The following SCN7A variants were observed in gnomAD, a reference collection of about 807,000 sequenced individuals.
SCN7A encodes sodium voltage-gated channel alpha subunit 7, also known as sodium channel protein type 7 subunit alpha.
In SCN7A, 138 loss-of-function variants were observed where a neutral mutation model predicts 155.2. That is an observed-to-expected ratio of 0.89 (90% confidence interval 0.77 to 1.02). The LOEUF (loss-of-function observed/expected upper bound fraction) is 1.02. Ranked by LOEUF, SCN7A falls within the 50% of genes least tolerant of loss-of-function variation. The probability of loss-of-function intolerance (pLI) is 0.00; values close to 1 mark genes in which losing one functional copy is unlikely to be tolerated. For synonymous variants in SCN7A, 693 were observed against 649.0 expected (o/e 1.07, Z -1.03); for missense variants, 2,058 against 1,986.6 (o/e 1.04, Z -0.68).
In SCN7A at chr2:166,470,706, C is replaced by A; in HGVS notation, c.573G>T (p.Glu191Asp). 1 of 1,595,658 alleles carries A rather than the reference C, an allele frequency of 6.3e-7. No homozygotes were observed. Among genetic ancestry groups the A allele is most frequent in the Non-Finnish European group, 8.5e-7 (1 of 1,170,184 alleles). The change falls in exon 7 of 26, where the codon GAG becomes GAT. Residue 191 changes from glutamate (E) to aspartate (D), a missense_variant and splice_region_variant. Glu to Asp is a conservative substitution (Grantham distance 45). Coordinates refer to ENST00000643258, the MANE Select transcript of SCN7A (RefSeq NM_002976.4). ...NWLDFSVTVFEVIIRYSPLDF... is the reference protein window; with the variant it reads ...NWLDFSVTVFDVIIRYSPLDF... The stretch of plus-strand genomic sequence containing the variant: ...CCAGAGGTGAGTATCTTATAATAAC[C>A]CTGTGGAATTAAATTAGAGTTACTT...
Position 166,432,397 on chromosome 2 carries a change from A to G in SCN7A, c.2513T>C (p.Ile838Thr). 6.2e-7 allele frequency: 1 copy of G among 1,613,532 alleles called. No homozygotes were observed. Among genetic ancestry groups the G allele is most frequent in the Non-Finnish European group, 8.5e-7 (1 of 1,179,594 alleles). ...PSPSVSETVP[I>T]ASGESDIENL... Reference sequence around the variant, plus strand: ...TTCTATATCAGATTCTCCTGAAGCAATTGGTACAGTTTCTGAGACACTAGG... The same window carrying G: ...TTCTATATCAGATTCTCCTGAAGCAGTTGGTACAGTTTCTGAGACACTAGG... Residue 838 changes from isoleucine to threonine, a missense_variant, in exon 16 of 26, where the codon ATT becomes ACT. By Grantham distance (89) the Ile-to-Thr change is moderately conservative (BLOSUM62 -1). Coordinates refer to ENST00000643258, the MANE Select transcript of SCN7A (RefSeq NM_002976.4).
intron 3 of SCN7A, among the ~76,000 whole-genome samples, chr2:166,475,130 A>G (rs369920346): frequency 6.7e-4 from 87 of 129,650 alleles, no homozygotes; most frequent in African/African-American, 2.0e-3. Flanking sequence ...ACATATATAT[A>G]TATATATACA....
chr2:166,414,860 TATA>T (rs1195482905), intron 21 of SCN7A: 1 of 126,024 alleles, frequency 7.9e-6, no homozygotes, highest in African/African-American at 3.1e-5. Context: ...ATATATAATA[TATA>T]ATATATATTA....
intron 7 of SCN7A, among the ~76,000 whole-genome samples, chr2:166,468,329 TG>T (rs1702580790): frequency 6.6e-6 from 1 of 152,112 alleles, no homozygotes; most frequent in East Asian, 1.9e-4. Context: ...TGAATCTGCC[TG>T]ACTGAAAGTG....
intron 16 of SCN7A, among the ~76,000 whole-genome samples, chr2:166,430,825 A>G (rs1022931887): frequency 1.3e-5 from 2 of 152,014 alleles, no homozygotes; most frequent in Non-Finnish European, 2.9e-5. Context: ...GAATTATCAG[A>G]TCATTTATAA....
chr2:166,485,378 G>C (rs1703023850), intron 2 of SCN7A, among the ~76,000 whole-genome samples: 1 of 152,102 alleles, frequency 6.6e-6, no homozygotes, highest in Non-Finnish European at 1.5e-5. Context: ...TTCAGAATGA[G>C]AGTCAACAGA....
At chr2:166,449,525 A>C (rs182694850) in intron 11 of SCN7A, among the ~76,000 whole-genome samples, 271 of 152,264 alleles carry the variant, frequency 1.8e-3, no homozygotes, top group African/African-American at 6.4e-3. Flanking sequence ...CAAATACTAG[A>C]GCTAGAGGAG....
In SCN7A at chr2:166,441,633, AAAG is replaced by A; in HGVS notation, c.1917_1919del (p.Phe640del). 2 of 1,613,918 alleles carry A rather than the reference AAAG, an allele frequency of 1.2e-6. No homozygotes were observed. The highest frequency in any genetic ancestry group is 1.7e-6 in the Non-Finnish European group (2 of 1,179,818). ...ACAGCTTCATGCCGAATGCAGCAGA[AAAG>A]AAGATGAATGTGAACAACAACAGGA... On this transcript the variant is annotated inframe_deletion, in exon 15 of 26. Coordinates refer to ENST00000643258, the MANE Select transcript of SCN7A (RefSeq NM_002976.4).
intron 6 of SCN7A, among the ~76,000 whole-genome samples, chr2:166,470,948 T>C (rs1702641572): frequency 6.6e-6 from 1 of 151,894 alleles, no homozygotes; most frequent in African/African-American, 2.4e-5. Context: ...ACACTGTGAA[T>C]GCTCAATTTC....
Position 166,427,880 on chromosome 2 carries a change from G to A in SCN7A, c.2761C>T (p.Gln921Ter). Reference protein sequence around the residue: ...SGASKKGKIWQNIRKTCCKIV... With the variant: ...SGASKKGKIW ...TTGCAGCAGGTTTTCCTGATGTTCT[G>A]CCAGATTTTTCCTTTCTTGGATGCT... Residue 921 changes from glutamine (Q) to a stop codon, truncating the protein, a stop_gained, in exon 18 of 26, where the codon CAG becomes TAG. Transcript: ENST00000643258. LOFTEE classifies it high-confidence loss of function. The A allele has an allele frequency of 1.2e-6, 2 of 1,612,818 alleles. No homozygotes were observed. Among genetic ancestry groups the A allele is most frequent in the Non-Finnish European group, 1.7e-6 (2 of 1,179,304 alleles).
intron 20 of SCN7A, among the ~76,000 whole-genome samples, chr2:166,419,733 C>A (rs1004940827): frequency 3.3e-5 from 5 of 152,010 alleles, no homozygotes; most frequent in Non-Finnish European, 5.9e-5. Context: ...TTATTTGCCA[C>A]CTTATTTTGG....
In SCN7A at chr2:166,423,313, A is replaced by G. The variant is rs755080054; in HGVS notation, c.2973T>C (p.Gly991=). ...LEMLLKWMAY[G]FKAYFSNGWY... ...AGCCATTAGAGAAATAGGCCTTAAAACCATATGCCATCCATTTTAGAAGCA... is the reference window on the plus strand; with the variant it reads ...AGCCATTAGAGAAATAGGCCTTAAAGCCATATGCCATCCATTTTAGAAGCA... Residue 991 remains glycine (G), a synonymous_variant, in exon 19 of 26, where the codon GGT becomes GGC. Coordinates refer to ENST00000643258, the MANE Select transcript of SCN7A (RefSeq NM_002976.4). The G allele has an allele frequency of 1.7e-5, 27 of 1,612,346 alleles. No homozygotes were observed. The African/African-American group carries it at 3.2e-4, about 19-fold the overall frequency.
chr2:166,493,668 T>C (rs141502921), intron 1 of SCN7A, among the ~76,000 whole-genome samples: 1 of 152,370 alleles, frequency 6.6e-6, no homozygotes, highest in East Asian at 1.9e-4. Context: ...GTCATTGTCA[T>C]ATAGGGTTTC....
rs1454615959 is a variant in SCN7A at position 166,444,743 on chromosome 2, T to C, written c.1626+19A>G. On this transcript the variant is annotated intron_variant, in intron 13 of 25. Coordinates refer to ENST00000643258, the MANE Select transcript of SCN7A (RefSeq NM_002976.4). The stretch of plus-strand genomic sequence containing the variant: ...ACTAAGAAACTGCAAATGAAAATAA[T>C]GTACAATGAGAGTCTTACCAGGTTT... 7.6e-7 allele frequency: 1 copy of C among 1,321,868 alleles called. No homozygotes were observed. The highest frequency in any genetic ancestry group is 1.1e-6 in the Non-Finnish European group (1 of 944,464). The allele number at this position is 1,321,868 out of a possible 1,614,324, so 81.9% of individuals were successfully genotyped here. A position where few individuals can be genotyped will look rare whatever the true frequency, so the allele number is the denominator to read the frequency against.
chr2:166,427,056 C>A (rs549182704), intron 18 of SCN7A, among the ~76,000 whole-genome samples: 1 of 152,016 alleles, frequency 6.6e-6, no homozygotes, highest in Non-Finnish European at 1.5e-5. Context: ...ATATAAAAGG[C>A]AGAGTGCCAT....
chr2:166,407,509 G>A (rs944733582), intron 25 of SCN7A, among the ~76,000 whole-genome samples: 1 of 151,834 alleles, frequency 6.6e-6, no homozygotes, highest in Non-Finnish European at 1.5e-5. Flanking sequence ...GTTAAACTTG[G>A]TCTCTGCCTA....
chr2:166,421,778 A>G (rs572117424), intron 19 of SCN7A, among the ~76,000 whole-genome samples: 2 of 152,212 alleles, frequency 1.3e-5, no homozygotes, highest in African/African-American at 4.8e-5. Context: ...GAAGATATGA[A>G]TATTGTTAAG....
intron 15 of SCN7A, among the ~76,000 whole-genome samples, chr2:166,433,826 T>A (rs1701781963): frequency 6.6e-6 from 1 of 152,164 alleles, no homozygotes; most frequent in Admixed American, 6.6e-5. Flanking sequence ...GATTATCTGC[T>A]GTAGTAAATT....
intron 7 of SCN7A, among the ~76,000 whole-genome samples, chr2:166,467,478 T>C (rs183364492): frequency 1.6e-5 from 2 of 121,434 alleles, no homozygotes. Flanking sequence ...TGTGTTTTTA[T>C]ATATGTTTAT....
Sources: allele counts gnomAD v4.1 joint callset (sites outside exome capture counted in the v4.1 genomes callset), GRCh38; gene constraint gnomAD v4.1.1; transcripts MANE v1.5; gene names NCBI Gene and HGNC (gene_info 2026-07-23, HGNC 2026-07-21).